Variants in RBM39 observed in about 807,000 individuals in gnomAD.
RBM39 encodes the protein RNA binding motif protein 39.
In RBM39, 12 loss-of-function variants were observed where a neutral mutation model predicts 79.6. That is an observed-to-expected ratio of 0.15 (90% CI 0.10 to 0.24). The LOEUF (loss-of-function observed/expected upper bound fraction) is 0.24, where lower values mean the gene tolerates loss of function less well. Among genes scored for constraint, RBM39 ranks in the 10% least tolerant of loss-of-function variants. RBM39 has a pLI of 1.00. For synonymous variants in RBM39, 185 were observed against 208.4 expected (o/e 0.89, Z 0.97); for missense variants, 243 against 653.4 (o/e 0.37, Z 6.85).
chr20:35,722,439 T>A (rs75168020), intron 8 of RBM39, among the ~76,000 whole-genome samples: 14,794 of 129,306 alleles, frequency 0.11, 1,194 homozygotes, highest in African/African-American at 0.19. Context: ...AAAATAAAAA[T>A]AAAAAGTTTA....
intron 3 of RBM39, among the ~76,000 whole-genome samples, chr20:35,735,295 T>C (rs1037967359): frequency 1.3e-5 from 2 of 152,164 alleles, no homozygotes; most frequent in Admixed American, 6.5e-5. Flanking sequence ...CTCAAGCACT[T>C]AGGATGCATA....
chr20:35,734,108 C>A, intron 3 of RBM39: 1 of 678,632 alleles, frequency 1.5e-6, no homozygotes, highest in Non-Finnish European at 2.2e-6. Flanking sequence ...ATCACAAGAG[C>A]AACTGAGGTC....
chr20:35,724,471 G>A lies in RBM39; in HGVS notation c.687+99C>T, dbSNP rs1200255690. 3.1e-5 allele frequency: 33 copies of A among 1,069,346 alleles called. No homozygotes were observed. The Admixed American group carries it at 7.5e-4, about 24-fold the overall frequency. 66.2% of individuals were successfully genotyped at this position (1,069,346 alleles called of 1,614,324 possible). ...AAGTCCTGAAAACATCCGACTCAACGTAATGAGCAGCAGTCACAGAACACA... is the reference window on the plus strand; with the variant it reads ...AAGTCCTGAAAACATCCGACTCAACATAATGAGCAGCAGTCACAGAACACA... On this transcript the variant is annotated intron_variant, in intron 8 of 16. Transcript: ENST00000253363.
At chr20:35,705,430 A>C (rs2035598561) in intron 14 of RBM39, 100 bp from the exon 15 acceptor site, 1 of 693,522 alleles carries the variant, frequency 1.4e-6, no homozygotes, top group Non-Finnish European at 2.3e-6. Context: ...AATTAAAAAA[A>C]ATACTTTGGA....
At chr20:35,719,664 T>C (rs2037651301) in intron 9 of RBM39, among the ~76,000 whole-genome samples, 1 of 151,916 alleles carries the variant, frequency 6.6e-6, no homozygotes, top group Non-Finnish European at 1.5e-5. Flanking sequence ...GCGCAAGGAG[T>C]GAAACTCCCA....
In RBM39 at chr20:35,721,684, G is replaced by T. The variant is rs533552578; in HGVS notation, c.825+56C>A. On this transcript the variant is annotated intron_variant, in intron 9 of 16. Coordinates refer to ENST00000253363, the MANE Select transcript of RBM39 (RefSeq NM_184234.3). ...ACAAAGCAAGACATACAGAAATTAT[G>T]TAGTTATACTCAGATCAACAACCTA... The T allele has an allele frequency of 1.5e-5, 23 of 1,545,892 alleles. No individual in the cohort carries two copies. In the African/African-American group the frequency reaches 2.8e-4, roughly 19 times the overall value.
chr20:35,704,108 AGTGAAAT>A lies in RBM39; in HGVS notation c.*366_*372del, dbSNP rs1199062590. 6 of 163,496 alleles carry A rather than the reference AGTGAAAT, an allele frequency of 3.7e-5. No homozygotes were observed. Among genetic ancestry groups the A allele is most frequent in the South Asian group, 1.5e-4 (1 of 6,554 alleles). 10.1% of individuals were successfully genotyped at this position (163,496 alleles called of 1,614,324 possible). A position where few individuals can be genotyped will look rare whatever the true frequency, so the allele number is the denominator to read the frequency against. ...CAACCATCAGCCAAATATCAACATTAGTGAAATGTGAAATGTAACCACTGTGTAAAAA... is the reference window on the plus strand; with the variant it reads ...CAACCATCAGCCAAATATCAACATTAGTGAAATGTAACCACTGTGTAAAAA... On this transcript the variant is annotated 3_prime_UTR_variant, in exon 17 of 17. Coordinates refer to ENST00000253363, the MANE Select transcript of RBM39 (RefSeq NM_184234.3).
At chr20:35,719,559 C>T (rs769054672) in intron 9 of RBM39, among the ~76,000 whole-genome samples, 6 of 151,966 alleles carry the variant, frequency 3.9e-5, no homozygotes, top group Admixed American at 3.9e-4. Context: ...AGCCTGTAAT[C>T]CCAGCTACTC....
intron 10 of RBM39, among the ~76,000 whole-genome samples, chr20:35,715,737 G>A (rs2037031937): frequency 6.6e-6 from 1 of 152,144 alleles, no homozygotes; most frequent in Non-Finnish European, 1.5e-5. Flanking sequence ...CTAAACCTCA[G>A]GTTGAAATGT....
intron 9 of RBM39, among the ~76,000 whole-genome samples, chr20:35,718,758 A>G (rs2037499115): frequency 2.1e-5 from 3 of 143,274 alleles, no homozygotes; most frequent in Non-Finnish European, 3.0e-5. Context: ...GGTTATGGTG[A>G]GCTGAGATCA....
intron 9 of RBM39, among the ~76,000 whole-genome samples, chr20:35,720,394 G>A (rs1569023246): frequency 6.6e-6 from 1 of 152,142 alleles, no homozygotes. Flanking sequence ...AACAGCTCAT[G>A]TGGCCCCAAC....
intron 6 of RBM39, among the ~76,000 whole-genome samples, chr20:35,728,059 T>C (rs1433963629): frequency 1.3e-5 from 2 of 152,178 alleles, no homozygotes; most frequent in African/African-American, 4.8e-5. Context: ...AGTGCTGGGA[T>C]TACCCGCGTG....
intron 13 of RBM39, chr20:35,709,014 T>C (rs1282114516): frequency 9.1e-6 from 4 of 440,656 alleles, no homozygotes; most frequent in Non-Finnish European, 8.0e-6. Flanking sequence ...AAAAAAAAAT[T>C]GTTATTTTGA....
chr20:35,736,102 C>T (rs2039879015), intron 3 of RBM39, among the ~76,000 whole-genome samples: 1 of 97,252 alleles, frequency 1.0e-5, no homozygotes, highest in Non-Finnish European at 2.4e-5. Flanking sequence ...TCTTTAGCCA[C>T]TCGGCCTGAC....
chr20:35,711,960 G>A (rs541425129), intron 12 of RBM39, among the ~76,000 whole-genome samples: 1 of 152,212 alleles, frequency 6.6e-6, no homozygotes, highest in African/African-American at 2.4e-5. Flanking sequence ...GGGTGTGGTG[G>A]GAAATGTCTG....
At chr20:35,737,881 C>T (rs1476453579) in intron 3 of RBM39, among the ~76,000 whole-genome samples, 1 of 142,526 alleles carries the variant, frequency 7.0e-6, no homozygotes, top group Non-Finnish European at 1.5e-5. Context: ...AGGCCAGGCG[C>T]GGTGGCTCAC....
chr20:35,712,175 T>TTAAGAAA (rs2036498180), intron 12 of RBM39, among the ~76,000 whole-genome samples: 1 of 151,988 alleles, frequency 6.6e-6, no homozygotes, highest in African/African-American at 2.4e-5. Flanking sequence ...TTACAGGTAA[T>TTAAGAAA]TAAGAAATGA....
chr20:35,723,499 C>CA (rs1252214031), intron 8 of RBM39, among the ~76,000 whole-genome samples: 3 of 152,176 alleles, frequency 2.0e-5, no homozygotes, highest in Non-Finnish European at 4.4e-5. Context: ...AGTGCAATGG[C>CA]GTGATCTTGC....
At chr20:35,718,331 T>C (rs1351275657) in intron 9 of RBM39, among the ~76,000 whole-genome samples, 1 of 149,374 alleles carries the variant, frequency 6.7e-6, no homozygotes, top group Non-Finnish European at 1.5e-5. Flanking sequence ...TAGTCGTGGA[T>C]GAAGTGGGAC....
Sources: gnomAD v4.1 joint callset for allele counts (sites outside exome capture counted in the v4.1 genomes callset) on GRCh38, gnomAD v4.1.1 for gene constraint, MANE v1.5 for transcripts, NCBI Gene and HGNC (gene_info 2026-07-23, HGNC 2026-07-21) for gene names.